The following FBXL15 variants were observed in gnomAD, a reference collection of about 807,000 sequenced individuals.
FBXL15 encodes F-box and leucine rich repeat protein 15.
Under a neutral mutation model 23.6 loss-of-function variants are expected in FBXL15, and 19 were observed. The ratio of observed to expected loss-of-function variants is 0.81; its 90% CI spans 0.56 to 1.18. FBXL15 has a LOEUF of 1.18. FBXL15 is among the 50% of genes most tolerant of loss of function. FBXL15 has a pLI of 0.00. For missense variants in FBXL15, 385 were observed against 425.4 expected, an observed-to-expected ratio of 0.91 and a Z score of 0.83; for synonymous variants, 224 against 207.7, an observed-to-expected ratio of 1.08 and a Z score of -0.67.
Position 102,421,482 on chromosome 10 carries a change from G to A in FBXL15, c.182G>A (p.Gly61Glu). ...TCGCTGGTGCAGCTTCACCTGGCCG[G>A]GCTGCGTCGCTTCGATGCCGCGCAG... ...FRSLVQLHLAGLRRFDAAQVG... is the reference protein window; with the variant it reads ...FRSLVQLHLAELRRFDAAQVG... The change falls in exon 2 of 4, where the codon GGG becomes GAG. Residue 61 changes from glycine to glutamate, a missense_variant. Coordinates refer to ENST00000369956, the MANE Select transcript of FBXL15 (RefSeq NM_024326.4). The A allele has an allele frequency of 6.7e-7, 1 of 1,492,738 alleles. No individual in the cohort carries two copies. The highest frequency in any genetic ancestry group is 8.9e-7 in the Non-Finnish European group (1 of 1,124,498). The allele number at this position is 1,492,738 out of a possible 1,614,324, so 92.5% of individuals were successfully genotyped here. A position where few individuals can be genotyped will look rare whatever the true frequency, so the allele number is the denominator to read the frequency against.
rs1225295897 is a variant in FBXL15, at chr10:102,421,892, G to A, written c.313G>A (p.Asp105Asn). 1 of 1,606,246 alleles carries A rather than the reference G, an allele frequency of 6.2e-7. No individual in the cohort carries two copies. Among genetic ancestry groups the A allele is most frequent in the Non-Finnish European group, 8.5e-7 (1 of 1,179,292 alleles). Residue 105 changes from aspartate (D) to asparagine (N), a missense_variant, in exon 3 of 4, where the codon GAC becomes AAC. Coordinates refer to ENST00000369956, the MANE Select transcript of FBXL15 (RefSeq NM_024326.4). Reference protein sequence around the residue: ...APCHEWLSDEDLVPVLARNPQ... With the variant: ...APCHEWLSDENLVPVLARNPQ... ...GTGTCACGAATGGCTGTCAGACGAG[G>A]ACCTGGTGCCGGTGCTGGCGCGGAA...
rs1325085379 is a variant in FBXL15 at position 102,422,826 on chromosome 10, G to A, written c.736G>A (p.Val246Met). 4 of 1,607,224 alleles carry A rather than the reference G, an allele frequency of 2.5e-6. No individual in the cohort carries two copies. The highest frequency in any genetic ancestry group is 1.3e-5 in the African/African-American group (1 of 75,004). The change falls in exon 4 of 4, where the codon GTG becomes ATG. Residue 246 changes from valine (V) to methionine (M), a missense_variant. Val to Met is a conservative substitution (Grantham distance 21, BLOSUM62 1). Coordinates refer to ENST00000369956, the MANE Select transcript of FBXL15 (RefSeq NM_024326.4). Reference sequence around the variant, plus strand: ...CAGGACATTGGCCGAGTACTGCCCCGTGCTGCGTTCGCTGCGGGTGCGGCA... The same window carrying A: ...CAGGACATTGGCCGAGTACTGCCCCATGCTGCGTTCGCTGCGGGTGCGGCA... Reference protein sequence around the residue: ...GVRTLAEYCPVLRSLRVRHCH... With the variant: ...GVRTLAEYCPMLRSLRVRHCH...
chr10:102,421,839 AG>A lies in FBXL15; in HGVS notation c.264del (p.Leu89CysfsTer39). ...TTGGCCCGGCTGCTGCGGGATGCCGAGGGGCTGCAGGAGCTGGCACTGGCGC... is the reference window on the plus strand; with the variant it reads ...TTGGCCCGGCTGCTGCGGGATGCCGAGGGCTGCAGGAGCTGGCACTGGCGC... ...AALARLLRDA[E>X]GLQELALAPC... On this transcript the variant is annotated frameshift_variant, in exon 3 of 4. Transcript: ENST00000369956. LOFTEE classifies it high-confidence loss of function. 1 of 1,587,696 alleles carries A rather than the reference AG, an allele frequency of 6.3e-7. No homozygotes were observed.
Position 102,422,023 on chromosome 10 carries a change from G to A in FBXL15, c.444G>A (p.Ala148=), listed in dbSNP as rs973885112. Residue 148 remains alanine (A), a synonymous_variant, in exon 3 of 4, where the codon GCG becomes GCA. Transcript: ENST00000369956. ...GCPRLQRLSL[A]HCDWVDGLAL... is the part of the protein sequence containing the mutation. ...CACGCCTGCAGCGCCTGTCGCTCGC[G>A]CACTGTGACTGGGTGGACGGGCTGG... is the stretch of plus-strand genomic sequence containing the variant. 11 of 1,595,422 alleles carry A rather than the reference G, an allele frequency of 6.9e-6. No individual in the cohort carries two copies. The highest frequency in any genetic ancestry group is 5.1e-5 in the Admixed American group (3 of 59,316).
chr10:102,422,950 AGGATAT>A lies in FBXL15; in HGVS notation c.863_868del (p.Asp288_Met289del). 6.2e-7 allele frequency: 1 copy of A among 1,602,902 alleles called. No homozygotes were observed. The highest frequency in any genetic ancestry group is 8.5e-7 in the Non-Finnish European group (1 of 1,174,922). On this transcript the variant is annotated inframe_deletion, in exon 4 of 4. Coordinates refer to ENST00000369956, the MANE Select transcript of FBXL15 (RefSeq NM_024326.4). ...CTGCACCAGGCCCTGGTGCTGCTGC[AGGATAT>A]GGCGGGCTTCGCACCTTTTGTCAAC...
intron 2 of FBXL15, 56 bp from the exon 3 acceptor site, chr10:102,421,731 T>C: frequency 6.6e-7 from 1 of 1,509,724 alleles, no homozygotes; most frequent in South Asian, 1.3e-5. Context: ...CAGGGGTGCA[T>C]AGGCGGCTGA....
rs1312348298 is a variant in FBXL15 at position 102,420,928 on chromosome 10, G to A, written c.-202G>A. 2.1e-6 allele frequency: 3 copies of A among 1,447,960 alleles called. No individual in the cohort carries two copies. The African/African-American group carries it at 4.3e-5, about 21-fold the overall frequency. 89.7% of individuals were successfully genotyped at this position (1,447,960 alleles called of 1,614,324 possible). On this transcript the variant is annotated 5_prime_UTR_variant, in exon 1 of 4. Coordinates refer to ENST00000369956, the MANE Select transcript of FBXL15 (RefSeq NM_024326.4). ...GCTTCAGGCCTCAAGCCCTGTAGCC[G>A]AGAAGGCGAGGCCTAATGTTACACC...
In FBXL15 at chr10:102,422,025, A is replaced by T. The variant is rs1261803907; in HGVS notation, c.446A>T (p.His149Leu). Residue 149 changes from histidine to leucine, a missense_variant, in exon 3 of 4, where the codon CAC becomes CTC. Coordinates refer to ENST00000369956, the MANE Select transcript of FBXL15 (RefSeq NM_024326.4). ...CPRLQRLSLAHCDWVDGLALR... is the reference protein window; with the variant it reads ...CPRLQRLSLALCDWVDGLALR... ...CGCCTGCAGCGCCTGTCGCTCGCGCACTGTGACTGGGTGGACGGGCTGGCG... is the reference window on the plus strand; with the variant it reads ...CGCCTGCAGCGCCTGTCGCTCGCGCTCTGTGACTGGGTGGACGGGCTGGCG... 6.3e-7 allele frequency: 1 copy of T among 1,595,872 alleles called. No homozygotes were observed. Among genetic ancestry groups the T allele is most frequent in the South Asian group, 1.1e-5 (1 of 90,188 alleles).
chr10:102,422,230 C>T lies in FBXL15; in HGVS notation c.651C>T (p.Asn217=). 1 of 1,513,178 alleles carries T rather than the reference C, an allele frequency of 6.6e-7. No individual in the cohort carries two copies. The highest frequency in any genetic ancestry group is 1.3e-5 in the South Asian group (1 of 76,360). 93.7% of individuals were successfully genotyped at this position (1,513,178 alleles called of 1,614,324 possible). The change falls in exon 3 of 4, where the codon AAC becomes AAT. Residue 217 remains asparagine (N), a synonymous_variant. Transcript: ENST00000369956. ...GDAAVQELAR[N]CPELHHLDLT... is the part of the protein sequence containing the mutation. ...CCGCGGTTCAAGAGTTGGCTCGGAA[C>T]TGCCCAGAACTCCACCACCTTGACC...
Position 102,420,993 on chromosome 10 carries a change from A to G in FBXL15, c.-137A>G. The G allele has an allele frequency of 1.3e-6, 2 of 1,536,434 alleles. No homozygotes were observed. The highest frequency in any genetic ancestry group is 1.8e-6 in the Non-Finnish European group (2 of 1,139,084). ...CCTCCGTTTCGGGGTCCACCCGAAA[A>G]GCTTTCAGATCGGATCCTCGGTGAG... On this transcript the variant is annotated 5_prime_UTR_variant, in exon 1 of 4. Transcript: ENST00000369956.
chr10:102,421,409 C>G lies in FBXL15; in HGVS notation c.109C>G (p.Pro37Ala), dbSNP rs774217395. ...VLLPHVLNRV[P>A]LRQLLRLQRV... ...GCTCCCACACGTCCTGAACCGGGTCCCGCTGCGCCAGCTGCTCCGGCTGCA... is the reference window on the plus strand; with the variant it reads ...GCTCCCACACGTCCTGAACCGGGTCGCGCTGCGCCAGCTGCTCCGGCTGCA... The change falls in exon 2 of 4, where the codon CCG becomes GCG. Residue 37 changes from proline to alanine, a missense_variant. Physicochemically the swap from Pro to Ala is conservative, Grantham distance 27. This residue lies in a region of FBXL15 where 130 missense variants were observed against 95.1 expected (regional missense o/e 1.37). Coordinates refer to ENST00000369956, the MANE Select transcript of FBXL15 (RefSeq NM_024326.4). The G allele has an allele frequency of 3.8e-6, 6 of 1,569,582 alleles. No homozygotes were observed. The South Asian group carries it at 5.8e-5, about 15-fold the overall frequency.
chr10:102,420,946 G>A lies in FBXL15; in HGVS notation c.-184G>A, dbSNP rs2061550793. ...TGTAGCCGAGAAGGCGAGGCCTAAT[G>A]TTACACCACCGGTCTGTTCCGCCTC... is the stretch of plus-strand genomic sequence containing the variant. On this transcript the variant is annotated 5_prime_UTR_variant, in exon 1 of 4. An upstream start codon of the reference 5' UTR is lost. Coordinates refer to ENST00000369956, the MANE Select transcript of FBXL15 (RefSeq NM_024326.4). 6.8e-7 allele frequency: 1 copy of A among 1,476,952 alleles called. No individual in the cohort carries two copies. Among genetic ancestry groups the A allele is most frequent in the Admixed American group, 2.4e-5 (1 of 41,664 alleles). 91.5% of individuals were successfully genotyped at this position (1,476,952 alleles called of 1,614,324 possible).
chr10:102,421,350 G>A lies in FBXL15; in HGVS notation c.54-4G>A, dbSNP rs1394619381. The A allele has an allele frequency of 1.0e-5, 16 of 1,551,714 alleles. No homozygotes were observed. Among genetic ancestry groups the A allele is most frequent in the Non-Finnish European group, 1.2e-5 (14 of 1,150,104 alleles). On this transcript the variant is annotated splice_polypyrimidine_tract_variant and splice_region_variant and intron_variant, in intron 1 of 3. Coordinates refer to ENST00000369956, the MANE Select transcript of FBXL15 (RefSeq NM_024326.4). ...CGCCAGTGCCAACGCCCCTTTACTC[G>A]CAGGTTCCTGGACCTGCCCTGGGAA... is the stretch of plus-strand genomic sequence containing the variant.
intron 3 of FBXL15, 106 bp from the exon 4 acceptor site, chr10:102,422,698 G>T (rs2061577439): frequency 1.6e-6 from 2 of 1,240,858 alleles, no homozygotes; most frequent in Non-Finnish European, 2.2e-6. Flanking sequence ...GGGAGACCGG[G>T]ATTTTGCCGG....
In FBXL15 at chr10:102,421,786, G is replaced by A. The variant is rs2061567899; in HGVS notation, c.208-1G>A. 6.5e-7 allele frequency: 1 copy of A among 1,547,312 alleles called. No individual in the cohort carries two copies. Among genetic ancestry groups the A allele is most frequent in the African/African-American group, 1.4e-5 (1 of 73,884 alleles). On this transcript the variant is annotated splice_acceptor_variant, in intron 2 of 3. Transcript: ENST00000369956. LOFTEE classifies it high-confidence loss of function. Reference sequence around the variant, plus strand: ...GAGTTGGGGTGCCTCCCCGCCCGCAGGTGGGTCCGCAGATCCCGCGGGCCG... The same window carrying A: ...GAGTTGGGGTGCCTCCCCGCCCGCAAGTGGGTCCGCAGATCCCGCGGGCCG...
chr10:102,421,272 T>G, intron 1 of FBXL15, 82 bp from the exon 2 acceptor site: 5 of 1,568,204 alleles, frequency 3.2e-6, no homozygotes, highest in East Asian at 2.3e-5. Context: ...TCTTGGGAGC[T>G]GGGGCGCAGG....
rs1379524046 is a variant in FBXL15 at position 102,420,964 on chromosome 10, T to C, written c.-166T>C. 2.0e-6 allele frequency: 3 copies of C among 1,512,052 alleles called. No individual in the cohort carries two copies. The highest frequency in any genetic ancestry group is 2.7e-6 in the Non-Finnish European group (3 of 1,127,322). The allele number at this position is 1,512,052 out of a possible 1,614,324, so 93.7% of individuals were successfully genotyped here. A position where few individuals can be genotyped will look rare whatever the true frequency, so the allele number is the denominator to read the frequency against. ...GCCTAATGTTACACCACCGGTCTGT[T>C]CCGCCTCCGTTTCGGGGTCCACCCG... On this transcript the variant is annotated 5_prime_UTR_variant, in exon 1 of 4. Transcript: ENST00000369956.
chr10:102,421,577 C>CA, intron 2 of FBXL15, 70 bp downstream of exon 2: 1 of 1,435,010 alleles, frequency 7.0e-7, no homozygotes, highest in Admixed American at 2.8e-5. Context: ...CCCAGCCCCG[C>CA]AGTATGCCCT....
intron 3 of FBXL15, 35 bp from the exon 4 acceptor site, chr10:102,422,769 C>G: frequency 6.3e-7 from 1 of 1,576,108 alleles, no homozygotes; most frequent in Non-Finnish European, 8.6e-7. Context: ...GTGTGGTGGC[C>G]TCATGTCCCT....
Sources: allele counts gnomAD v4.1 joint callset, GRCh38; gene constraint gnomAD v4.1.1; regional missense constraint gnomAD v4.1.1; transcripts MANE v1.5; gene names NCBI Gene and HGNC (gene_info 2026-07-23, HGNC 2026-07-21).